TTLL5: variants seen among roughly 807,000 people sequenced by gnomAD.
TTLL5 encodes tubulin tyrosine ligase like 5.
TTLL5 carries 132 observed loss-of-function variants against 168.4 expected under a neutral mutation model. That is an observed-to-expected ratio of 0.78 (90% CI 0.68 to 0.91). TTLL5 has a LOEUF of 0.91. Ranked by LOEUF, TTLL5 falls within the 40% of genes least tolerant of loss-of-function variation. The probability of loss-of-function intolerance (pLI) is 0.00; values close to 1 mark genes in which losing one functional copy is unlikely to be tolerated. For missense variants in TTLL5, 1,545 were observed against 1,581.5 expected, an observed-to-expected ratio of 0.98 and a Z score of 0.39; for synonymous variants, 546 against 558.6, an observed-to-expected ratio of 0.98 and a Z score of 0.32.
At chr14:75,747,672 CTT>C (rs1330516756) in intron 17 of TTLL5, among the ~76,000 whole-genome samples, 1 of 151,954 alleles carries the variant, frequency 6.6e-6, no homozygotes, top group Non-Finnish European at 1.5e-5. Context: ...ACTAAAGAGT[CTT>C]TTGAGGTGTC....
Position 75,811,341 on chromosome 14 carries a change from A to G in TTLL5, c.3172-8666A>G, listed in dbSNP as rs933771218. Among the ~76,000 whole-genome samples, 10 of 151,828 alleles carry G rather than the reference A, an allele frequency of 6.6e-5. No individual in the cohort carries two copies. The Admixed American group carries it at 6.6e-4, about 10-fold the overall frequency. On this transcript the variant is annotated intron_variant, in intron 27 of 31. Coordinates refer to ENST00000298832, the MANE Select transcript of TTLL5 (RefSeq NM_015072.5). ...ATTCAAGGGCCTCCCCAAGCTGTTT[A>G]TCTGTCTGTCCCTATCTTCTATGAC...
At chr14:75,702,299 A>G (rs151238244) in intron 7 of TTLL5, among the ~76,000 whole-genome samples, 1 of 152,232 alleles carries the variant, frequency 6.6e-6, no homozygotes, top group African/African-American at 2.4e-5. Context: ...CTCTGCTCTG[A>G]CGTTGGTGTT....
chr14:75,769,506 A>T (rs554094658), intron 20 of TTLL5, among the ~76,000 whole-genome samples: 78 of 152,314 alleles, frequency 5.1e-4, no homozygotes, highest in South Asian at 1.9e-3. Context: ...CAGAATTAAC[A>T]TTCGTGACGT....
intron 31 of TTLL5, among the ~76,000 whole-genome samples, chr14:75,933,955 C>A (rs2034356266): frequency 6.6e-6 from 1 of 152,196 alleles, no homozygotes. Context: ...AACCAGCCAG[C>A]ACCTCCATCT....
intron 21 of TTLL5, among the ~76,000 whole-genome samples, chr14:75,772,785 A>G (rs1465223142): frequency 6.6e-6 from 1 of 151,054 alleles, no homozygotes; most frequent in East Asian, 1.9e-4. Flanking sequence ...CTCCTGCCTT[A>G]GCCTCCCAAG....
chr14:75,796,221 G>A (rs1184969985), intron 27 of TTLL5, among the ~76,000 whole-genome samples: 1 of 152,092 alleles, frequency 6.6e-6, no homozygotes, highest in African/African-American at 2.4e-5. Context: ...TTGGATATTT[G>A]TATATCTTCT....
At chr14:75,763,205 A>G (rs1363377832) in intron 18 of TTLL5, among the ~76,000 whole-genome samples, 1 of 148,954 alleles carries the variant, frequency 6.7e-6, no homozygotes, top group Non-Finnish European at 1.5e-5. Flanking sequence ...GATTTGTTTT[A>G]TTTTCTTTAT....
chr14:75,813,067 C>T (rs533543883), intron 27 of TTLL5, among the ~76,000 whole-genome samples: 1 of 152,290 alleles, frequency 6.6e-6, no homozygotes, highest in South Asian at 2.1e-4. Flanking sequence ...CAGGGGCTGA[C>T]ACATAATAAT....
chr14:75,844,177 G>T (rs1366544363), intron 28 of TTLL5, among the ~76,000 whole-genome samples: 2 of 152,054 alleles, frequency 1.3e-5, no homozygotes, highest in African/African-American at 2.4e-5. Flanking sequence ...CGCCTGGCCT[G>T]GCTCATTTTA....
At chr14:75,891,743 G>C (rs997004918) in intron 30 of TTLL5, among the ~76,000 whole-genome samples, 2 of 152,182 alleles carry the variant, frequency 1.3e-5, no homozygotes, top group Admixed American at 1.3e-4. Flanking sequence ...GTAGAGTAGC[G>C]TATGGGAGAC....
At chr14:75,792,849 T>A in intron 26 of TTLL5, 67 bp from the exon 27 acceptor site, 1 of 1,418,006 alleles carries the variant, frequency 7.1e-7, no homozygotes, top group Non-Finnish European at 9.4e-7. Flanking sequence ...GAGATTTCTG[T>A]CATTATCCTA....
intron 31 of TTLL5, among the ~76,000 whole-genome samples, chr14:75,924,483 T>C (rs1478953751): frequency 2.0e-5 from 3 of 151,766 alleles, no homozygotes; most frequent in Non-Finnish European, 4.4e-5. Flanking sequence ...GTGGTGATGA[T>C]TCTTAATGAG....
intron 28 of TTLL5, among the ~76,000 whole-genome samples, chr14:75,834,892 C>T (rs1363274284): frequency 2.0e-5 from 3 of 151,770 alleles, no homozygotes; most frequent in Non-Finnish European, 4.4e-5. Flanking sequence ...ATAGTGAGAC[C>T]CTCATCTCTA....
chr14:75,881,830 A>G (rs1469638820), intron 29 of TTLL5, among the ~76,000 whole-genome samples: 1 of 152,244 alleles, frequency 6.6e-6, no homozygotes, highest in Non-Finnish European at 1.5e-5. Flanking sequence ...AAATTGAGAC[A>G]CAAAAAGACC....
At chr14:75,811,189 A>G (rs61980813) in intron 27 of TTLL5, among the ~76,000 whole-genome samples, 7,410 of 62,114 alleles carry the variant, frequency 0.12, 188 homozygotes, top group Non-Finnish European at 0.16. Context: ...GTGTGTGTGT[A>G]TGTGTGTGTG....
chr14:75,779,327 A>G (rs1013628009), intron 23 of TTLL5, among the ~76,000 whole-genome samples: 1 of 152,216 alleles, frequency 6.6e-6, no homozygotes, highest in African/African-American at 2.4e-5. Context: ...CATATGACTG[A>G]GTAGTCGCTA....
In TTLL5 at chr14:75,826,125, A is replaced by G. The variant is rs149806857; in HGVS notation, c.3326+5964A>G. Among the ~76,000 whole-genome samples, 550 of 152,270 alleles carry G rather than the reference A, an allele frequency of 3.6e-3. 4 individuals are homozygous for G. Among genetic ancestry groups the G allele is most frequent in the African/African-American group, 0.012 (507 of 41,566 alleles). On this transcript the variant is annotated intron_variant, in intron 28 of 31. Transcript: ENST00000298832. ...GTTCGGGAACCTGGGGCCGAGTGTC[A>G]GGAGTGAAAAACGTGGATCTTTCTT...
intron 6 of TTLL5, among the ~76,000 whole-genome samples, chr14:75,691,270 C>T (rs556139992): frequency 6.6e-6 from 1 of 152,236 alleles, no homozygotes; most frequent in East Asian, 1.9e-4. Flanking sequence ...AACTTACCCA[C>T]CCAGGCCAGG....
chr14:75,843,339 G>A (rs1223134357), intron 28 of TTLL5, among the ~76,000 whole-genome samples: 1 of 152,194 alleles, frequency 6.6e-6, no homozygotes, highest in Admixed American at 6.5e-5. Context: ...GGCTCCCTGA[G>A]CTTATGACTT....
Sources: allele counts gnomAD v4.1 joint callset (sites outside exome capture counted in the v4.1 genomes callset), GRCh38; gene constraint gnomAD v4.1.1; transcripts MANE v1.5; gene names NCBI Gene and HGNC (gene_info 2026-07-23, HGNC 2026-07-21).